The following WRN variants were observed in gnomAD, a reference collection of about 807,000 sequenced individuals.
WRN encodes the protein WRN RecQ like helicase, also known as bifunctional 3'-5' exonuclease/ATP-dependent helicase WRN.
In WRN, 149 loss-of-function variants were observed where a neutral mutation model predicts 180.7. The observed-to-expected ratio is 0.82, with a 90% confidence interval of 0.72 to 0.94. The LOEUF is 0.94. WRN is among the 40% of genes least tolerant of loss of function. WRN has a pLI of 0.00. For missense variants in WRN, 1,661 were observed against 1,700.1 expected (o/e 0.98, Z 0.40); for synonymous variants, 548 against 568.9 (o/e 0.96, Z 0.52).
In WRN at chr8:31,167,138, T is replaced by C. The variant is rs1346044; in HGVS notation, c.4099T>C (p.Cys1367Arg). The C allele has an allele frequency of 0.25, 397,783 of 1,613,060 alleles. 50,791 individuals are homozygous for C. The highest frequency in any genetic ancestry group is 0.28 in the South Asian group (25,298 of 91,048). Residue 1367 changes from cysteine to arginine, a missense_variant, in exon 34 of 35, where the codon TGT becomes CGT. By Grantham distance (180) the Cys-to-Arg change is radical. This residue lies in a region of WRN where 1,141 missense variants were observed against 1,149.4 expected (regional missense o/e 0.99). Transcript: ENST00000298139. ...TCCTGACAGCGGACTTCAACCTTCA[T>C]GTGATGTCAACAAAAGGAGATGTTT... ...HGPDSGLQPS[C>R]DVNKRRCFPG...
intron 24 of WRN, among the ~76,000 whole-genome samples, chr8:31,140,096 G>C (rs1357886409): frequency 1.6e-5 from 2 of 126,690 alleles, no homozygotes; most frequent in East Asian, 5.3e-4. Context: ...GCTCACTGCA[G>C]TCTTGATCTC....
At chr8:31,168,801 T>C (rs1453744008) in intron 34 of WRN, among the ~76,000 whole-genome samples, 1 of 152,198 alleles carries the variant, frequency 6.6e-6, no homozygotes, top group African/African-American at 2.4e-5. Flanking sequence ...TTTATAATTA[T>C]GACAAAGGAT....
chr8:31,038,355 T>C (rs1811525228), intron 1 of WRN, among the ~76,000 whole-genome samples: 1 of 152,244 alleles, frequency 6.6e-6, no homozygotes, highest in African/African-American at 2.4e-5. Flanking sequence ...AATGTGCTTA[T>C]TGGCCATTAT....
chr8:31,101,787 CA>C (rs60342321), intron 18 of WRN, among the ~76,000 whole-genome samples: 2,992 of 42,038 alleles, frequency 0.071, 30 homozygotes, highest in African/African-American at 0.2. Flanking sequence ...AACTCTGTCT[CA>C]AAAAAAAAAA....
chr8:31,087,743 G>T, intron 11 of WRN, 33 bp from the exon 12 acceptor site: 3 of 1,601,110 alleles, frequency 1.9e-6, no homozygotes, highest in Non-Finnish European at 2.6e-6. Context: ...ACTGTCAGTG[G>T]TTTTGCTTTT....
Position 31,124,622 on chromosome 8 carries a change from CAG to C in WRN, c.2732_2732+1del. On this transcript the variant is annotated splice_donor_variant and coding_sequence_variant, in exon 22 of 35. Transcript: ENST00000298139. LOFTEE classifies it high-confidence loss of function. ...TCTTCATTCTAGCAGATGTAGGAGA[CAG>C]TATGTATTATTTATTTTATGCCAAT... is the stretch of plus-strand genomic sequence containing the variant. The C allele has an allele frequency of 6.2e-7, 1 of 1,604,104 alleles. No individual in the cohort carries two copies.
chr8:31,140,324 A>G (rs1277449552), intron 24 of WRN, among the ~76,000 whole-genome samples: 1 of 152,080 alleles, frequency 6.6e-6, no homozygotes, highest in Non-Finnish European at 1.5e-5. Flanking sequence ...CCTGGCCCAT[A>G]TACTACATAT....
At chr8:31,096,668 T>C (rs1813988949) in intron 16 of WRN, 100 bp from the exon 17 acceptor site, 4 of 974,218 alleles carry the variant, frequency 4.1e-6, no homozygotes, top group Admixed American at 5.0e-5. Context: ...GGTATCTTGA[T>C]TTTAAGTTGT....
At chr8:31,075,673 T>C (rs537684213) in intron 7 of WRN, among the ~76,000 whole-genome samples, 4 of 151,414 alleles carry the variant, frequency 2.6e-5, no homozygotes, top group Non-Finnish European at 4.4e-5. Context: ...TGAGCCGAGA[T>C]TGCGCCACTG....
intron 28 of WRN, among the ~76,000 whole-genome samples, chr8:31,145,501 T>G (rs1802823210): frequency 1.3e-5 from 2 of 152,186 alleles, no homozygotes; most frequent in South Asian, 4.1e-4. Context: ...TTCAAAATGT[T>G]ATTGCTCATT....
chr8:31,103,780 G>T (rs997230771), intron 18 of WRN, among the ~76,000 whole-genome samples: 2 of 151,830 alleles, frequency 1.3e-5, no homozygotes, highest in Non-Finnish European at 2.9e-5. Context: ...TGTCACCCTG[G>T]CTGGAATGCA....
At position 31,132,420 on chromosome 8, in the gene WRN, C is replaced by G. The variant is rs780384737; in HGVS notation, c.2881C>G (p.Pro961Ala). ...AGAGGATACATCCTGGGACTTTGGTCCACAAGCATTTAAGCTTTTGTCTGC... is the reference window on the plus strand; with the variant it reads ...AGAGGATACATCCTGGGACTTTGGTGCACAAGCATTTAAGCTTTTGTCTGC... ...DSEDTSWDFG[P>A]QAFKLLSAVD... Residue 961 changes from proline (P) to alanine (A), a missense_variant, in exon 24 of 35, where the codon CCA (proline) becomes GCA (alanine). This residue lies in a region of WRN where 1,141 missense variants were observed against 1,149.4 expected (regional missense o/e 0.99). Coordinates refer to ENST00000298139, the MANE Select transcript of WRN (RefSeq NM_000553.6). The G allele has an allele frequency of 6.2e-7, 1 of 1,614,130 alleles. No individual in the cohort carries two copies. The highest frequency in any genetic ancestry group is 1.1e-5 in the South Asian group (1 of 91,078).
At position 31,141,692 on chromosome 8, in the gene WRN, G is replaced by A. The variant is rs2130417119; in HGVS notation, c.3150G>A (p.Trp1050Ter). ...ICALTKKGRN[W>*]LHKANTESQS... ...TTTGCTTTTAATAGGGTAGAAATTG[G>A]CTTCATAAAGCTAATACAGAATCTC... Residue 1050 changes from tryptophan to a stop codon, truncating the protein, a stop_gained, in exon 26 of 35, where the codon TGG becomes TGA. Transcript: ENST00000298139. LOFTEE classifies it high-confidence loss of function. 1 of 1,614,160 alleles carries A rather than the reference G, an allele frequency of 6.2e-7. No individual in the cohort carries two copies.
At chr8:31,054,174 A>T (rs966424483) in intron 1 of WRN, among the ~76,000 whole-genome samples, 1 of 152,158 alleles carries the variant, frequency 6.6e-6, no homozygotes, top group Non-Finnish European at 1.5e-5. Context: ...CATGAACCCA[A>T]TGCATTTTAA....
intron 34 of WRN, among the ~76,000 whole-genome samples, chr8:31,167,881 G>A (rs1373964918): frequency 2.6e-5 from 4 of 151,722 alleles, no homozygotes; most frequent in Non-Finnish European, 5.9e-5. Context: ...TTTGACCTTC[G>A]GTATCTTCCG....
At chr8:31,046,937 CTT>C (rs1811888871) in intron 1 of WRN, among the ~76,000 whole-genome samples, 1 of 152,150 alleles carries the variant, frequency 6.6e-6, no homozygotes, top group Non-Finnish European at 1.5e-5. Context: ...GTTACATAAA[CTT>C]ATCCTGTCCG....
rs1251559215 is a variant in WRN, at chr8:31,081,049, A to G, written c.1022A>G (p.His341Arg). 1 of 1,614,064 alleles carries G rather than the reference A, an allele frequency of 6.2e-7. No homozygotes were observed. The highest frequency in any genetic ancestry group is 1.3e-5 in the African/African-American group (1 of 75,038). ...KQIREHEVLI[H>R]VEDETWDPTL... is the part of the protein sequence containing the mutation. ...ATTAGAGAACATGAAGTTTTAATTC[A>G]CGTTGAAGATGAAACATGGGACCCA... is the stretch of plus-strand genomic sequence containing the variant. The change falls in exon 9 of 35, where the codon CAC becomes CGC. Residue 341 changes from histidine (H) to arginine (R), a missense_variant. Around this residue, in one of 3 missense-constraint regions of WRN, gnomAD observed 500 missense variants for 504.1 expected, o/e 0.99. Transcript: ENST00000298139.
chr8:31,126,547 A>G (rs558082599), intron 23 of WRN, among the ~76,000 whole-genome samples: 3 of 152,306 alleles, frequency 2.0e-5, no homozygotes, highest in South Asian at 2.1e-4. Context: ...AAAGGTCTCA[A>G]ATCAGTACCT....
At chr8:31,147,310 A>G in intron 29 of WRN, 54 bp from the exon 30 acceptor site, 1 of 1,558,472 alleles carries the variant, frequency 6.4e-7, no homozygotes, top group Non-Finnish European at 8.8e-7. Flanking sequence ...AAAATAAAGG[A>G]CTAGATCTTT....
Sources: gnomAD v4.1 joint callset for allele counts (sites outside exome capture counted in the v4.1 genomes callset) on GRCh38, gnomAD v4.1.1 for gene constraint, gnomAD v4.1.1 regional missense constraint, MANE v1.5 for transcripts, NCBI Gene and HGNC (gene_info 2026-07-23, HGNC 2026-07-21) for gene names.